Variants in CHCHD3 observed in about 807,000 individuals in gnomAD.
CHCHD3 encodes the protein MICOS complex subunit MIC19.
A neutral mutation model predicts 38.2 loss-of-function variants in CHCHD3; 20 were observed. The ratio of observed to expected loss-of-function variants is 0.52; its 90% confidence interval spans 0.37 to 0.76. CHCHD3 has a LOEUF of 0.76. CHCHD3 is among the 30% of genes least tolerant of loss of function. CHCHD3 has a pLI of 0.00. For synonymous variants in CHCHD3, 82 were observed against 100.0 expected (o/e 0.82, Z 1.07); for missense variants, 245 against 279.2 (o/e 0.88, Z 0.87).
intron 2 of CHCHD3, among the ~76,000 whole-genome samples, chr7:133,055,820 A>G (rs1383232263): frequency 6.6e-6 from 1 of 151,890 alleles, no homozygotes; most frequent in Non-Finnish European, 1.5e-5. Flanking sequence ...CCATACTCAC[A>G]CATATATATT....
intron 2 of CHCHD3, among the ~76,000 whole-genome samples, chr7:133,044,233 A>C (rs998147039): frequency 1.3e-5 from 2 of 152,230 alleles, no homozygotes; most frequent in African/African-American, 4.8e-5. Flanking sequence ...TTTAAAGAAA[A>C]TACTTAAATA....
intron 5 of CHCHD3, among the ~76,000 whole-genome samples, chr7:132,853,146 T>C (rs988168604): frequency 2.0e-5 from 3 of 152,078 alleles, no homozygotes; most frequent in African/African-American, 7.2e-5. Context: ...ACTGTGCACA[T>C]CTCTCTAAGT....
At chr7:133,064,046 T>C (rs1415017216) in intron 2 of CHCHD3, among the ~76,000 whole-genome samples, 1 of 152,230 alleles carries the variant, frequency 6.6e-6, no homozygotes, top group African/African-American at 2.4e-5. Flanking sequence ...ATACCTCTTA[T>C]ACATTCTATC....
At chr7:132,996,884 C>T (rs995605569) in intron 3 of CHCHD3, among the ~76,000 whole-genome samples, 3 of 152,196 alleles carry the variant, frequency 2.0e-5, no homozygotes, top group South Asian at 4.1e-4. Context: ...AAAACATCTT[C>T]GGCATACTGC....
chr7:132,901,891 A>G (rs1809679076), intron 4 of CHCHD3, among the ~76,000 whole-genome samples: 2 of 152,270 alleles, frequency 1.3e-5, no homozygotes, highest in East Asian at 1.9e-4. Context: ...GTCCTTGCCC[A>G]TGCCTATTCC....
intron 4 of CHCHD3, among the ~76,000 whole-genome samples, chr7:132,917,567 C>T (rs1327961145): frequency 6.6e-6 from 1 of 152,084 alleles, no homozygotes; most frequent in African/African-American, 2.4e-5. Flanking sequence ...CTAAAAATAC[C>T]TGCCCTAGGC....
At chr7:133,068,483 G>A (rs746874327) in intron 2 of CHCHD3, among the ~76,000 whole-genome samples, 4 of 152,196 alleles carry the variant, frequency 2.6e-5, no homozygotes, top group Non-Finnish European at 5.9e-5. Flanking sequence ...GGAAGCCCAG[G>A]GAAGCAGCTC....
At chr7:132,824,728 T>C (rs1807466983) in intron 6 of CHCHD3, among the ~76,000 whole-genome samples, 1 of 152,168 alleles carries the variant, frequency 6.6e-6, no homozygotes, top group Admixed American at 6.5e-5. Flanking sequence ...GGTCTCATAT[T>C]CCACTAGACC....
intron 1 of CHCHD3, among the ~76,000 whole-genome samples, chr7:133,077,065 A>T (rs1815011622): frequency 6.6e-6 from 1 of 152,066 alleles, no homozygotes; most frequent in African/African-American, 2.4e-5. Context: ...TAGTTAGTTA[A>T]GAGAAAGGGG....
chr7:133,006,801 G>A (rs540940797), intron 3 of CHCHD3, among the ~76,000 whole-genome samples: 5 of 152,214 alleles, frequency 3.3e-5, no homozygotes, highest in Non-Finnish European at 7.4e-5. Context: ...GTTCATAAAA[G>A]TGAAACATTC....
chr7:132,922,233 GC>G (rs1005837523), intron 4 of CHCHD3, among the ~76,000 whole-genome samples: 6 of 152,154 alleles, frequency 3.9e-5, no homozygotes, highest in African/African-American at 1.4e-4. Flanking sequence ...AAGACAAAGG[GC>G]GGGTACAGCA....
At position 133,070,152 on chromosome 7, in the gene CHCHD3, A is replaced by G. The variant is rs750653244; in HGVS notation, c.159T>C (p.Tyr53=). Residue 53 remains tyrosine (Y), a synonymous_variant, in exon 2 of 8, where the codon TAT becomes TAC. Coordinates refer to ENST00000262570, the MANE Select transcript of CHCHD3 (RefSeq NM_017812.4). ...GSKSQRYSGA[Y]GASVSDEELK... ...AAAATTCAGCAATACCTGAGGCACCATAAGCACCAGAATACCGCTGAGACT... is the reference window on the plus strand; with the variant it reads ...AAAATTCAGCAATACCTGAGGCACCGTAAGCACCAGAATACCGCTGAGACT... The G allele has an allele frequency of 1.2e-6, 2 of 1,610,626 alleles. No individual in the cohort carries two copies. The highest frequency in any genetic ancestry group is 2.2e-5 in the East Asian group (1 of 44,840).
intron 3 of CHCHD3, among the ~76,000 whole-genome samples, chr7:132,994,399 G>A (rs554823928): frequency 6.6e-6 from 1 of 152,270 alleles, no homozygotes; most frequent in East Asian, 1.9e-4. Flanking sequence ...TTACACAGAA[G>A]TAAGTTCAAG....
chr7:132,942,529 C>T (rs9641940), intron 4 of CHCHD3, among the ~76,000 whole-genome samples: 69,847 of 151,930 alleles, frequency 0.46, 16,348 homozygotes, highest in East Asian at 0.54. Flanking sequence ...TCTGAAGATT[C>T]TAACAGAACC....
chr7:133,001,273 C>T (rs1262753766), intron 3 of CHCHD3, among the ~76,000 whole-genome samples: 1 of 152,152 alleles, frequency 6.6e-6, no homozygotes. Context: ...ACTGCTAACC[C>T]TCCGGATCTC....
intron 5 of CHCHD3, among the ~76,000 whole-genome samples, chr7:132,864,116 G>A (rs192966384): frequency 6.6e-6 from 1 of 152,298 alleles, no homozygotes; most frequent in East Asian, 1.9e-4. Context: ...ACAGCTTTTA[G>A]CTTACCTAGG....
rs751573109 is a variant in CHCHD3, at chr7:132,975,250, A to C, written c.288T>G (p.Ala96=). ...KQAKELDRER[A]AANEQLTRAI... ...CTCTGGTTAACTGCTCATTGGCAGCAGCCCTCTCTCGGTCCAGCTCTTTGG... is the reference window on the plus strand; with the variant it reads ...CTCTGGTTAACTGCTCATTGGCAGCCGCCCTCTCTCGGTCCAGCTCTTTGG... Residue 96 remains alanine (A), a synonymous_variant, in exon 4 of 8, where the codon GCT becomes GCG. Coordinates refer to ENST00000262570, the MANE Select transcript of CHCHD3 (RefSeq NM_017812.4). The C allele has an allele frequency of 6.8e-6, 11 of 1,613,158 alleles. No homozygotes were observed. Among genetic ancestry groups the C allele is most frequent in the Middle Eastern group, 1.9e-4 (1 of 5,230 alleles).
At chr7:133,024,270 A>T (rs1348677177) in intron 3 of CHCHD3, among the ~76,000 whole-genome samples, 1 of 152,218 alleles carries the variant, frequency 6.6e-6, no homozygotes, top group East Asian at 1.9e-4. Context: ...AGAATACTCA[A>T]AAACTCCTTC....
At chr7:132,871,587 T>C (rs1808768100) in intron 5 of CHCHD3, among the ~76,000 whole-genome samples, 1 of 152,212 alleles carries the variant, frequency 6.6e-6, no homozygotes, top group South Asian at 2.1e-4. Flanking sequence ...CCTCAGTCAG[T>C]GCTACTCCGT....
Sources: gnomAD v4.1 joint callset for allele counts (sites outside exome capture counted in the v4.1 genomes callset) on GRCh38, gnomAD v4.1.1 for gene constraint, MANE v1.5 for transcripts, NCBI Gene and HGNC (gene_info 2026-07-23, HGNC 2026-07-21) for gene names.